MTR: variants seen among roughly 807,000 people sequenced by gnomAD.
MTR encodes 5-methyltetrahydrofolate-homocysteine methyltransferase.
A neutral mutation model predicts 154.8 loss-of-function variants in MTR; 84 were observed. The observed-to-expected ratio is 0.54, with a 90% CI of 0.45 to 0.65. MTR has a LOEUF of 0.65. MTR is among the 30% of genes least tolerant of loss of function. The probability of loss-of-function intolerance (pLI) is 0.00; values close to 1 mark genes in which losing one functional copy is unlikely to be tolerated. For synonymous variants in MTR, 554 were observed against 553.9 expected, an observed-to-expected ratio of 1.00 and a Z score of 0.00; for missense variants, 1,275 against 1,570.2, an observed-to-expected ratio of 0.81 and a Z score of 3.18.
At chr1:236,876,585 C>T (rs1027153565) in intron 24 of MTR, among the ~76,000 whole-genome samples, 1 of 152,044 alleles carries the variant, frequency 6.6e-6, no homozygotes, top group Non-Finnish European at 1.5e-5. Context: ...AAATATGATG[C>T]TGGCTTCAAA....
At chr1:236,820,123 T>C (rs1661840314) in intron 8 of MTR, 6 of 766,986 alleles carry the variant, frequency 7.8e-6, no homozygotes, top group South Asian at 5.4e-5. Flanking sequence ...TGCCATTGCA[T>C]GCAACAAGGG....
intron 22 of MTR, 149 bp downstream of exon 22, chr1:236,863,703 G>T: frequency 1.3e-6 from 1 of 747,074 alleles, no homozygotes. Flanking sequence ...CTGTGTTTTT[G>T]AATTTTCTAC....
chr1:236,884,205 A>C (rs771581240), intron 25 of MTR, among the ~76,000 whole-genome samples: 2 of 152,218 alleles, frequency 1.3e-5, no homozygotes, highest in African/African-American at 2.4e-5. Flanking sequence ...TTTAGTGAGA[A>C]TGCACCTCCA....
chr1:236,846,034 G>A (rs1285046696), intron 15 of MTR, among the ~76,000 whole-genome samples: 1 of 152,194 alleles, frequency 6.6e-6, no homozygotes, highest in East Asian at 1.9e-4. Flanking sequence ...TGAGTGTTTG[G>A]TTAATGTCTG....
chr1:236,810,899 T>C (rs1462079049), intron 5 of MTR, among the ~76,000 whole-genome samples: 1 of 152,240 alleles, frequency 6.6e-6, no homozygotes, highest in Non-Finnish European at 1.5e-5. Flanking sequence ...TTGAACAAAT[T>C]TGGATACTAG....
At chr1:236,876,308 G>A (rs996999797) in intron 24 of MTR, among the ~76,000 whole-genome samples, 10 of 152,238 alleles carry the variant, frequency 6.6e-5, no homozygotes, top group African/African-American at 2.4e-4. Flanking sequence ...TTTGACTATC[G>A]TTGCTTAACG....
chr1:236,819,921 G>C, intron 8 of MTR: 1 of 991,232 alleles, frequency 1.0e-6, no homozygotes, highest in Non-Finnish European at 1.6e-6. Flanking sequence ...TGCCACTGGA[G>C]CCACTCCAGT....
At chr1:236,824,014 AT>A in intron 8 of MTR, 104 bp from the exon 9 acceptor site, 7 of 964,022 alleles carry the variant, frequency 7.3e-6, no homozygotes, top group Non-Finnish European at 1.2e-5. Flanking sequence ...GAATGAGGAG[AT>A]TTATTATCCA....
chr1:236,818,308 A>T (rs1399815718), intron 8 of MTR, among the ~76,000 whole-genome samples: 1 of 150,914 alleles, frequency 6.6e-6, no homozygotes, highest in South Asian at 2.1e-4. Flanking sequence ...AGATCTTAAT[A>T]ATAATGATAT....
chr1:236,815,520 A>G (rs1056061322), intron 6 of MTR, 84 bp from the exon 7 acceptor site: 1 of 1,362,558 alleles, frequency 7.3e-7, no homozygotes, highest in Non-Finnish European at 1.0e-6. Flanking sequence ...AGGTCTTAGA[A>G]AAGGGTGCAT....
intron 15 of MTR, among the ~76,000 whole-genome samples, chr1:236,843,333 G>GA (rs1227387949): frequency 2.0e-5 from 3 of 151,898 alleles, no homozygotes; most frequent in Non-Finnish European, 4.4e-5. Context: ...TGCTTGTCCT[G>GA]TTTGAAAACC....
Position 236,850,516 on chromosome 1 carries a change from T to A in MTR, c.1688T>A (p.Val563Asp). 1 of 1,613,560 alleles carries A rather than the reference T, an allele frequency of 6.2e-7. No individual in the cohort carries two copies. The highest frequency in any genetic ancestry group is 8.5e-7 in the Non-Finnish European group (1 of 1,179,684). Residue 563 changes from valine (V) to aspartate (D), a missense_variant, in exon 16 of 33, where the codon GTC becomes GAC. Val to Asp is a radical substitution (Grantham distance 152). Coordinates refer to ENST00000366577, the MANE Select transcript of MTR (RefSeq NM_000254.3). ...YAINFIHATK[V>D]IKETLPGARI... ...ATTAATTTTATCCATGCAACAAAAG[T>A]CATTAAAGTAAGTGTAGGCATGTTC...
intron 5 of MTR, among the ~76,000 whole-genome samples, chr1:236,811,332 A>C (rs1026657998): frequency 1.3e-5 from 2 of 152,204 alleles, no homozygotes; most frequent in Non-Finnish European, 2.9e-5. Context: ...GCCAAACCAT[A>C]TCAACATGTT....
chr1:236,863,840 A>G (rs1664686670), intron 22 of MTR, among the ~76,000 whole-genome samples: 1 of 152,182 alleles, frequency 6.6e-6, no homozygotes, highest in Non-Finnish European at 1.5e-5. Context: ...GGATGTTGGG[A>G]CAGAGGTGCT....
At chr1:236,857,703 A>T (rs1264903796) in intron 18 of MTR, among the ~76,000 whole-genome samples, 1 of 152,246 alleles carries the variant, frequency 6.6e-6, no homozygotes, top group Non-Finnish European at 1.5e-5. Context: ...CAGCTCAGTG[A>T]TACATGCAGA....
At chr1:236,819,640 C>G (rs1661808195) in intron 8 of MTR, 1 of 548,002 alleles carries the variant, frequency 1.8e-6, no homozygotes, top group African/African-American at 1.9e-5. Flanking sequence ...TTCACAATGT[C>G]CAGAGCCCCT....
intron 29 of MTR, among the ~76,000 whole-genome samples, chr1:236,892,649 C>T (rs1452402757): frequency 6.6e-6 from 1 of 152,212 alleles, no homozygotes; most frequent in Non-Finnish European, 1.5e-5. Flanking sequence ...ACCATATGCA[C>T]TTAGGCTCAG....
chr1:236,797,972 AC>A (rs1332904609), intron 1 of MTR, among the ~76,000 whole-genome samples: 34 of 149,532 alleles, frequency 2.3e-4, no homozygotes, highest in African/African-American at 8.1e-4. Flanking sequence ...AAAAAACAAA[AC>A]AAAACAAAAC....
intron 12 of MTR, among the ~76,000 whole-genome samples, chr1:236,830,531 C>A (rs116530773): frequency 0.012 from 1,829 of 152,302 alleles, 40 homozygotes; most frequent in African/African-American, 0.042. Flanking sequence ...AGAGTGACAT[C>A]AAATGTGCTG....
Sources: allele counts gnomAD v4.1 joint callset (sites outside exome capture counted in the v4.1 genomes callset), GRCh38; gene constraint gnomAD v4.1.1; transcripts MANE v1.5; gene names NCBI Gene and HGNC (gene_info 2026-07-23, HGNC 2026-07-21).